ABTB3: variants seen among roughly 807,000 people sequenced by gnomAD.
ABTB3 encodes ankyrin repeat and BTB domain containing 3.
the ABTB3 span, among the ~76,000 whole-genome samples, chr12:107,392,172 T>A: frequency 6.6e-6 from 1 of 152,208 alleles, no homozygotes; most frequent in African/African-American, 2.4e-5. Context: ...GAGATGCCCT[T>A]TCTCTGGGCA....
chr12:107,630,308 G>A, the ABTB3 span, among the ~76,000 whole-genome samples: 3 of 152,172 alleles, frequency 2.0e-5, no homozygotes, highest in African/African-American at 7.2e-5. Flanking sequence ...GAATGAATGA[G>A]TGAATATGTA....
the ABTB3 span, among the ~76,000 whole-genome samples, chr12:107,643,770 T>TTTTTTTTTTAGG: frequency 7.1e-6 from 1 of 140,264 alleles, no homozygotes. Flanking sequence ...TTTTTTTTTT[T>TTTTTTTTTTAGG]GTTGAGAGAG....
At chr12:107,575,482 G>A in the ABTB3 span, among the ~76,000 whole-genome samples, 1 of 152,058 alleles carries the variant, frequency 6.6e-6, no homozygotes, top group East Asian at 1.9e-4. Flanking sequence ...ACACACGGAC[G>A]CTTAAAACAA....
chr12:107,541,925 GAA>G, the ABTB3 span, among the ~76,000 whole-genome samples: 9 of 145,966 alleles, frequency 6.2e-5, no homozygotes, highest in East Asian at 2.0e-4. Context: ...AAGTTGGAAA[GAA>G]AAAAAAAAAA....
At chr12:107,576,924 C>A in the ABTB3 span, among the ~76,000 whole-genome samples, 25 of 152,192 alleles carry the variant, frequency 1.6e-4, no homozygotes, top group African/African-American at 5.8e-4. Context: ...TCACTAGGAC[C>A]TTCATGGTCT....
the ABTB3 span, chr12:107,642,110 G>C: frequency 1.2e-6 from 2 of 1,613,978 alleles, no homozygotes; most frequent in Non-Finnish European, 1.7e-6. Context: ...CTCCTCTCCA[G>C]CAAGCCGACA....
the ABTB3 span, among the ~76,000 whole-genome samples, chr12:107,638,833 C>T: frequency 6.6e-6 from 1 of 152,200 alleles, no homozygotes; most frequent in Non-Finnish European, 1.5e-5. Flanking sequence ...GGCTAAATAA[C>T]TTGCCAAGGT....
chr12:107,581,129 C>T, the ABTB3 span: 1 of 1,546,132 alleles, frequency 6.5e-7, no homozygotes, highest in African/African-American at 1.4e-5. Flanking sequence ...ACGCGCGTCT[C>T]CGGGTCCCTC....
the ABTB3 span, among the ~76,000 whole-genome samples, chr12:107,495,289 A>C: frequency 2.0e-5 from 3 of 152,292 alleles, no homozygotes; most frequent in South Asian, 6.2e-4. Flanking sequence ...GCCTACCTGC[A>C]CGGGCTCAGC....
At chr12:107,414,560 G>A in the ABTB3 span, among the ~76,000 whole-genome samples, 6 of 152,024 alleles carry the variant, frequency 3.9e-5, no homozygotes, top group East Asian at 1.9e-4. Context: ...CTTCTTAAAC[G>A]TTTAGAGGCA....
the ABTB3 span, among the ~76,000 whole-genome samples, chr12:107,333,451 G>T: frequency 6.6e-6 from 1 of 152,136 alleles, no homozygotes; most frequent in Non-Finnish European, 1.5e-5. Context: ...GCACTTGAGG[G>T]TTTAGTGCCA....
the ABTB3 span, among the ~76,000 whole-genome samples, chr12:107,403,367 C>T: frequency 2.0e-5 from 3 of 152,210 alleles, no homozygotes; most frequent in East Asian, 5.8e-4. Flanking sequence ...TCACCGGGCT[C>T]TATTTCCAGA....
the ABTB3 span, among the ~76,000 whole-genome samples, chr12:107,494,455 T>C: frequency 1.3e-5 from 2 of 152,166 alleles, no homozygotes; most frequent in East Asian, 3.9e-4. Context: ...CTTCATGAGC[T>C]GACCAAAGGC....
At chr12:107,520,871 A>C in the ABTB3 span, among the ~76,000 whole-genome samples, 1 of 152,208 alleles carries the variant, frequency 6.6e-6, no homozygotes, top group African/African-American at 2.4e-5. Context: ...CAGGTTCCTA[A>C]GCTTTTCTGA....
the ABTB3 span, chr12:107,651,841 G>A: frequency 2.0e-6 from 3 of 1,499,228 alleles, no homozygotes; most frequent in Non-Finnish European, 2.8e-6. Context: ...AAGCCGGGGA[G>A]GCTTTTCCTT....
chr12:107,400,979 C>T, the ABTB3 span, among the ~76,000 whole-genome samples: 1 of 152,130 alleles, frequency 6.6e-6, no homozygotes, highest in Non-Finnish European at 1.5e-5. Context: ...TGAGAAGGGC[C>T]GGTCCCTACC....
At chr12:107,376,826 C>T in the ABTB3 span, among the ~76,000 whole-genome samples, 115 of 152,294 alleles carry the variant, frequency 7.6e-4, 2 homozygotes, top group African/African-American at 2.5e-3. Flanking sequence ...ACAACCCTCG[C>T]GCTGAATGTG....
chr12:107,659,211 C>G, the ABTB3 span: 2 of 152,234 alleles, frequency 1.3e-5, no homozygotes, highest in East Asian at 1.9e-4. Flanking sequence ...TACGAGCTCC[C>G]TGAACCATTG....
At chr12:107,542,074 C>T in the ABTB3 span, among the ~76,000 whole-genome samples, 174 of 152,212 alleles carry the variant, frequency 1.1e-3, no homozygotes, top group Non-Finnish European at 1.2e-3. Flanking sequence ...CTTTGGGAGG[C>T]CAAGGCGGGC....
Sources: allele counts gnomAD v4.1 joint callset (sites outside exome capture counted in the v4.1 genomes callset), GRCh38; gene constraint gnomAD v4.1.1; transcripts MANE v1.5; gene names NCBI Gene and HGNC (gene_info 2026-07-23, HGNC 2026-07-21).